Variants in KLHL3 observed in about 807,000 individuals in gnomAD.
KLHL3 encodes the protein kelch like family member 3.
In KLHL3, 19 loss-of-function variants were observed where a neutral mutation model predicts 70.5. The observed-to-expected ratio is 0.27, with a 90% confidence interval of 0.19 to 0.40. The LOEUF is 0.40. Ranked by LOEUF, KLHL3 falls within the 10% of genes least tolerant of loss-of-function variation. The pLI is 1.00. For missense variants in KLHL3, 512 were observed against 771.1 expected (o/e 0.66, Z 3.98); for synonymous variants, 258 against 290.3 (o/e 0.89, Z 1.13).
chr5:137,629,717 G>A (rs1354362112), intron 12 of KLHL3: 1 of 152,186 alleles, frequency 6.6e-6, no homozygotes, highest in Non-Finnish European at 1.5e-5. Context: ...GCTCCTAGCA[G>A]TTGCTCTAAA....
At chr5:137,678,590 G>A (rs1337148892) in intron 5 of KLHL3, among the ~76,000 whole-genome samples, 1 of 151,944 alleles carries the variant, frequency 6.6e-6, no homozygotes, top group Non-Finnish European at 1.5e-5. Flanking sequence ...TGAATAGCTG[G>A]GACTATAGAC....
At chr5:137,656,758 G>A (rs1371507412) in intron 8 of KLHL3, among the ~76,000 whole-genome samples, 2 of 152,254 alleles carry the variant, frequency 1.3e-5, no homozygotes, top group Non-Finnish European at 2.9e-5. Flanking sequence ...CAACAGGCAA[G>A]TATGCACTCT....
At chr5:137,622,686 G>A (rs1386045305) in intron 14 of KLHL3, among the ~76,000 whole-genome samples, 1 of 152,196 alleles carries the variant, frequency 6.6e-6, no homozygotes, top group African/African-American at 2.4e-5. Context: ...AAGAGACCCT[G>A]CCAGTGTGAC....
intron 8 of KLHL3, 73 bp from the exon 9 acceptor site, chr5:137,640,050 A>G (rs1338547663): frequency 5.6e-6 from 7 of 1,249,968 alleles, no homozygotes; most frequent in African/African-American, 1.5e-5. Context: ...GTACTTCCAC[A>G]TGGCTTATCG....
At position 137,698,459 on chromosome 5, in the gene KLHL3, G is replaced by T. The variant is rs1320541508; in HGVS notation, c.242-51C>A. 3 of 1,607,308 alleles carry T rather than the reference G, an allele frequency of 1.9e-6. No homozygotes were observed. The African/African-American group carries it at 4.0e-5, about 21-fold the overall frequency. ...GACATAAATGTGGTACCTGGGATAT[G>T]TTTACCTTCCAGATGGTCTCCTGCC... On this transcript the variant is annotated intron_variant, in intron 3 of 14. Coordinates refer to ENST00000309755, the MANE Select transcript of KLHL3 (RefSeq NM_017415.3).
At chr5:137,650,485 A>C (rs575378772) in intron 8 of KLHL3, among the ~76,000 whole-genome samples, 1 of 152,202 alleles carries the variant, frequency 6.6e-6, no homozygotes, top group Non-Finnish European at 1.5e-5. Context: ...CCTGGCAATT[A>C]GTGGTTTCTC....
At chr5:137,691,822 G>A (rs569614768) in intron 5 of KLHL3, among the ~76,000 whole-genome samples, 1 of 151,250 alleles carries the variant, frequency 6.6e-6, no homozygotes, top group African/African-American at 2.4e-5. Context: ...GTTTCACCGT[G>A]TTAGCCAGGA....
rs187566804 is a variant in KLHL3 at position 137,703,634 on chromosome 5, A to G, written c.242-5226T>C. On this transcript the variant is annotated intron_variant, in intron 3 of 14. Transcript: ENST00000309755. ...CAGGTCACCCTATATCACCTGTGAA[A>G]TAAGGACATTCTCTGTTCTGCCTTT... Among the ~76,000 whole-genome samples the G allele has an allele frequency of 9.5e-4, 145 of 152,282 alleles. 1 individual carries two copies. The highest frequency in any genetic ancestry group is 5.8e-3 in the South Asian group (28 of 4,816).
At position 137,629,971 on chromosome 5, in the gene KLHL3, T is replaced by A. The variant is rs1750594054; in HGVS notation, c.1451-1534A>T. 5.3e-5 allele frequency: 8 copies of A among 152,292 alleles called. No individual in the cohort carries two copies. In the Middle Eastern group the frequency reaches 0.014, roughly 259 times the overall value. 9.4% of individuals were successfully genotyped at this position (152,292 alleles called of 1,614,324 possible). A position where few individuals can be genotyped will look rare whatever the true frequency, so the allele number is the denominator to read the frequency against. On this transcript the variant is annotated intron_variant, in intron 12 of 14. Coordinates refer to ENST00000309755, the MANE Select transcript of KLHL3 (RefSeq NM_017415.3). The stretch of plus-strand genomic sequence containing the variant: ...CTGCCTCTGCCCTAGTGCAGCCTCA[T>A]CCATAAACATTCATGCAGCCGTTTC...
At chr5:137,690,154 C>G (rs1320926245) in intron 5 of KLHL3, among the ~76,000 whole-genome samples, 1 of 152,086 alleles carries the variant, frequency 6.6e-6, no homozygotes, top group African/African-American at 2.4e-5. Flanking sequence ...GGTGAAACCC[C>G]ATCTCTACTA....
At chr5:137,712,156 C>CAAAAAAAAAAAAAAAA (rs201519598) in intron 2 of KLHL3, among the ~76,000 whole-genome samples, 2 of 74,862 alleles carry the variant, frequency 2.7e-5, no homozygotes, top group African/African-American at 1.1e-4. Flanking sequence ...AAGATTCTGT[C>CAAAAAAAAAAAAAAAA]AAAAAAAAAA....
chr5:137,665,666 A>G (rs1751596004), intron 6 of KLHL3, among the ~76,000 whole-genome samples: 2 of 152,228 alleles, frequency 1.3e-5, no homozygotes, highest in Admixed American at 1.3e-4. Flanking sequence ...AATTTATAGG[A>G]TGGCAGAAAG....
At chr5:137,627,412 T>C (rs1327945389) in intron 13 of KLHL3, among the ~76,000 whole-genome samples, 1 of 149,970 alleles carries the variant, frequency 6.7e-6, no homozygotes, top group African/African-American at 2.4e-5. Context: ...TTTGCTCATG[T>C]GGCTTAAAGC....
chr5:137,643,842 C>T (rs1404583864), intron 8 of KLHL3, among the ~76,000 whole-genome samples: 1 of 152,170 alleles, frequency 6.6e-6, no homozygotes, highest in East Asian at 1.9e-4. Flanking sequence ...TTCCTCCTCT[C>T]TAACTGTAAC....
At chr5:137,692,615 G>T in intron 4 of KLHL3, 168 bp from the exon 5 acceptor site, 1 of 621,402 alleles carries the variant, frequency 1.6e-6, no homozygotes. Flanking sequence ...CCACTACTCT[G>T]CCCTTCACGG....
chr5:137,650,234 CACAG>C (rs1025719758), intron 8 of KLHL3, among the ~76,000 whole-genome samples: 35 of 152,322 alleles, frequency 2.3e-4, no homozygotes, highest in Admixed American at 1.1e-3. Context: ...TGTTCACTCT[CACAG>C]ACAATTTGCG....
chr5:137,662,283 AC>A (rs1223649942), intron 6 of KLHL3, among the ~76,000 whole-genome samples: 9 of 143,888 alleles, frequency 6.3e-5, no homozygotes, highest in African/African-American at 2.2e-4. Flanking sequence ...ACACACACAC[AC>A]AAGGACAAAC....
intron 6 of KLHL3, among the ~76,000 whole-genome samples, chr5:137,676,660 T>C (rs1751891135): frequency 1.3e-5 from 2 of 152,174 alleles, no homozygotes; most frequent in Admixed American, 1.3e-4. Context: ...TCCCAATTAA[T>C]TGCCCTATGG....
chr5:137,650,031 T>C (rs1216829777), intron 8 of KLHL3, among the ~76,000 whole-genome samples: 1 of 152,214 alleles, frequency 6.6e-6, no homozygotes, highest in Non-Finnish European at 1.5e-5. Context: ...ATTACATACT[T>C]AGGCTAATAA....
Sources: gnomAD v4.1 joint callset for allele counts (sites outside exome capture counted in the v4.1 genomes callset) on GRCh38, gnomAD v4.1.1 for gene constraint, MANE v1.5 for transcripts, NCBI Gene and HGNC (gene_info 2026-07-23, HGNC 2026-07-21) for gene names.